The following PALM2AKAP2 variants were observed in gnomAD, a reference collection of about 807,000 sequenced individuals.
The protein encoded by PALM2AKAP2 is PALM2 and AKAP2 fusion.
A neutral mutation model predicts 71.5 loss-of-function variants in PALM2AKAP2; 37 were observed. The ratio of observed to expected loss-of-function variants is 0.52; its 90% confidence interval spans 0.40 to 0.68. The LOEUF (loss-of-function observed/expected upper bound fraction) is 0.68, where lower values mean the gene tolerates loss of function less well. PALM2AKAP2 is among the 30% of genes least tolerant of loss of function. The pLI is 0.00. For synonymous variants in PALM2AKAP2, 468 were observed against 478.8 expected (o/e 0.98, Z 0.29); for missense variants, 1,224 against 1,191.8 (o/e 1.03, Z -0.40).
In PALM2AKAP2 at chr9:109,642,940, G is replaced by A. The variant is rs866414487; in HGVS notation, c.5+2074G>A. Among the ~76,000 whole-genome samples, 6 of 151,064 alleles carry A rather than the reference G, an allele frequency of 4.0e-5. No individual in the cohort carries two copies. In the South Asian group the frequency reaches 6.3e-4, roughly 16 times the overall value. On this transcript the variant is annotated intron_variant, in intron 1 of 6. Coordinates refer to the PALM2AKAP2 transcript ENST00000374531. ...GAGGACAGAGGTGGTAGGAAGTCTT[G>A]ATGAGCCCAGGAGTTTGAGAATGCG...
At chr9:109,661,795 T>G (rs1230467769) in intron 1 of PALM2AKAP2, among the ~76,000 whole-genome samples, 1 of 152,242 alleles carries the variant, frequency 6.6e-6, no homozygotes, top group African/African-American at 2.4e-5. Context: ...TTCCTGTCCA[T>G]GAGCATGGAA....
At chr9:110,005,088 G>T (rs10759386) in intron 6 of PALM2AKAP2, among the ~76,000 whole-genome samples, 1 of 152,028 alleles carries the variant, frequency 6.6e-6, no homozygotes, top group Non-Finnish European at 1.5e-5. Context: ...TTCCTTTGGG[G>T]GAGGAGAGGT....
chr9:110,161,676 C>A (rs1460631896), intron 3 of PALM2AKAP2, among the ~76,000 whole-genome samples: 2 of 152,074 alleles, frequency 1.3e-5, no homozygotes, highest in African/African-American at 4.8e-5. Context: ...CAACAGGTTA[C>A]AAGACGGCTT....
chr9:109,905,662 G>A (rs951962686), intron 3 of PALM2AKAP2, among the ~76,000 whole-genome samples: 6 of 152,214 alleles, frequency 3.9e-5, no homozygotes, highest in Non-Finnish European at 5.9e-5. Context: ...CCCAAGCCCC[G>A]TTTTGCTGCA....
intron 1 of PALM2AKAP2, among the ~76,000 whole-genome samples, chr9:109,746,389 T>A (rs1828802181): frequency 6.6e-6 from 1 of 152,148 alleles, no homozygotes; most frequent in South Asian, 2.1e-4. Flanking sequence ...TCCTGGTAAG[T>A]TAGTTAACAA....
intron 3 of PALM2AKAP2, among the ~76,000 whole-genome samples, chr9:110,158,184 T>C (rs1044861648): frequency 2.0e-5 from 3 of 152,228 alleles, no homozygotes; most frequent in Non-Finnish European, 2.9e-5. Context: ...CAGCCCTTCT[T>C]TGAAGCCCCA....
At chr9:110,019,714 A>T (rs1046192524) in intron 7 of PALM2AKAP2, among the ~76,000 whole-genome samples, 1 of 152,232 alleles carries the variant, frequency 6.6e-6, no homozygotes, top group Non-Finnish European at 1.5e-5. Context: ...CAAATACTGC[A>T]TGTTCTCCCT....
chr9:110,105,128 A>G (rs1293557513), intron 1 of PALM2AKAP2, among the ~76,000 whole-genome samples: 1 of 152,224 alleles, frequency 6.6e-6, no homozygotes, highest in Non-Finnish European at 1.5e-5. Flanking sequence ...AGAGCTCTGT[A>G]TATGTTTTAA....
At chr9:109,875,958 A>G (rs1428976169) in intron 2 of PALM2AKAP2, among the ~76,000 whole-genome samples, 1 of 152,154 alleles carries the variant, frequency 6.6e-6, no homozygotes, top group Non-Finnish European at 1.5e-5. Flanking sequence ...TTGACTTGCC[A>G]TGATGACATT....
intron 1 of PALM2AKAP2, among the ~76,000 whole-genome samples, chr9:109,859,481 G>A (rs2769145): frequency 0.83 from 125,966 of 152,190 alleles, 52,284 homozygotes; most frequent in East Asian, 0.92. Context: ...TGGATGTCCT[G>A]AACACCCTGG....
upstream of PALM2AKAP2, among the ~76,000 whole-genome samples, chr9:110,045,122 T>G (rs1386933406): frequency 6.6e-6 from 1 of 151,992 alleles, no homozygotes; most frequent in Non-Finnish European, 1.5e-5. Context: ...AGAGGCAAAG[T>G]GAGTAAAAAT....
chr9:110,111,634 T>C (rs1306927028), intron 1 of PALM2AKAP2, among the ~76,000 whole-genome samples: 1 of 152,248 alleles, frequency 6.6e-6, no homozygotes, highest in East Asian at 1.9e-4. Context: ...TTGCACCATC[T>C]GCACCAATTC....
At chr9:109,929,340 T>A (rs12000736) in intron 5 of PALM2AKAP2, among the ~76,000 whole-genome samples, 6,680 of 152,164 alleles carry the variant, frequency 0.044, 302 homozygotes, top group East Asian at 0.16. Context: ...TCAGTGAATC[T>A]TGGAAGTTCT....
intron 1 of PALM2AKAP2, among the ~76,000 whole-genome samples, chr9:110,104,189 C>CG (rs1210835333): frequency 9.2e-4 from 29 of 31,408 alleles, no homozygotes; most frequent in South Asian, 2.1e-3. Context: ...TTTGGGGGGG[C>CG]GGGGGGGTAA....
At chr9:110,138,249 T>C (rs778457092) in exon 2 of PALM2AKAP2, 1 of 1,614,124 alleles carries the variant, frequency 6.2e-7, no homozygotes, top group Non-Finnish European at 8.5e-7. Flanking sequence ...CCGATTAACA[T>C]GGAGGAGACC....
Position 109,728,020 on chromosome 9 carries a change from G to T in PALM2AKAP2, c.6-52468G>T, listed in dbSNP as rs767531818. ...TTCAGGAATTCAAATACACACGAGA[G>T]TGTCAACCTGTCTCTCTTGAGTCTC... On this transcript the variant is annotated intron_variant, in intron 1 of 6. Coordinates refer to the PALM2AKAP2 transcript ENST00000374531. Among the ~76,000 whole-genome samples the T allele has an allele frequency of 2.6e-5, 4 of 152,200 alleles. No homozygotes were observed. In the South Asian group the frequency reaches 6.2e-4, roughly 24 times the overall value.
At position 109,756,455 on chromosome 9, in the gene PALM2AKAP2, T is replaced by C. The variant is rs191948822; in HGVS notation, c.6-24033T>C. On this transcript the variant is annotated intron_variant, in intron 1 of 6. Coordinates refer to the PALM2AKAP2 transcript ENST00000374531. ...TTGTGGATATGTTTTCCTATTTTGT[T>C]GTTTGCCTTTTGATTTTGATTGTGG... Among the ~76,000 whole-genome samples the C allele has an allele frequency of 5.3e-5, 8 of 152,342 alleles. No individual in the cohort carries two copies. The East Asian group carries it at 1.5e-3, about 29-fold the overall frequency.
intron 7 of PALM2AKAP2, among the ~76,000 whole-genome samples, chr9:110,040,764 C>T (rs1425687223): frequency 6.6e-6 from 1 of 152,200 alleles, no homozygotes; most frequent in Admixed American, 6.6e-5. Flanking sequence ...ATCTAAAACA[C>T]AGGTCCCTAA....
chr9:109,643,367 A>G (rs964672448), intron 1 of PALM2AKAP2, among the ~76,000 whole-genome samples: 4 of 152,246 alleles, frequency 2.6e-5, no homozygotes, highest in African/African-American at 9.6e-5. Flanking sequence ...GAGCCTGGTC[A>G]TTTGCCAGGG....
Sources: allele counts gnomAD v4.1 joint callset (sites outside exome capture counted in the v4.1 genomes callset), GRCh38; gene constraint gnomAD v4.1.1; transcripts MANE v1.5; gene names NCBI Gene and HGNC (gene_info 2026-07-23, HGNC 2026-07-21).